Variants in RORA observed in about 807,000 individuals in gnomAD.
RORA encodes the protein nuclear receptor ROR-alpha.
Under a neutral mutation model 69.5 loss-of-function variants are expected in RORA, and 7 were observed. The ratio of observed to expected loss-of-function variants is 0.10; its 90% CI spans 0.06 to 0.19. RORA has a LOEUF of 0.19. Among genes scored for constraint, RORA ranks in the 10% least tolerant of loss-of-function variants. RORA has a pLI of 1.00. For synonymous variants in RORA, 261 were observed against 240.8 expected (o/e 1.08, Z -0.78); for missense variants, 457 against 663.0 (o/e 0.69, Z 3.41).
chr15:61,004,645 C>A (rs1894856371), intron 1 of RORA, among the ~76,000 whole-genome samples: 1 of 152,158 alleles, frequency 6.6e-6, no homozygotes, highest in South Asian at 2.1e-4. Flanking sequence ...CACACCCGTT[C>A]TAGGGAAGCT....
At chr15:61,161,433 C>G (rs1374519626) in intron 1 of RORA, among the ~76,000 whole-genome samples, 1 of 152,144 alleles carries the variant, frequency 6.6e-6, no homozygotes, top group Admixed American at 6.5e-5. Context: ...AGTGCTGAAC[C>G]TCTCTGAGCT....
Position 60,531,518 on chromosome 15 carries a change from G to A in RORA, c.282+248C>T. On this transcript the variant is annotated intron_variant, in intron 3 of 10. Coordinates refer to ENST00000335670, the MANE Select transcript of RORA (RefSeq NM_134261.3). The surrounding 1 kb of genome is among the most constrained non-coding windows in gnomAD (Gnocchi z 4.8). ...GATTGCTCATGAGTTCAACTCTGGGGTTGAAAGTGATAAACAAGCAATGCT... is the reference window on the plus strand; with the variant it reads ...GATTGCTCATGAGTTCAACTCTGGGATTGAAAGTGATAAACAAGCAATGCT... The A allele has an allele frequency of 2.5e-6, 1 of 407,074 alleles. No individual in the cohort carries two copies. Among genetic ancestry groups the A allele is most frequent in the Non-Finnish European group, 4.3e-6 (1 of 233,272 alleles). 25.2% of individuals were successfully genotyped at this position (407,074 alleles called of 1,614,324 possible).
chr15:60,520,435 G>A (rs1264478564), intron 3 of RORA: 1 of 152,094 alleles, frequency 6.6e-6, no homozygotes, highest in Non-Finnish European at 1.5e-5. Context: ...AGGATTAAGG[G>A]TTTGGAAAAT....
chr15:61,049,929 G>T (rs1308067792), intron 1 of RORA, among the ~76,000 whole-genome samples: 1 of 152,196 alleles, frequency 6.6e-6, no homozygotes, highest in East Asian at 1.9e-4. Context: ...AAAGTGCTGG[G>T]ATTACAGGTG....
intron 1 of RORA, among the ~76,000 whole-genome samples, chr15:61,010,945 T>C (rs1046028726): frequency 9.9e-5 from 15 of 152,230 alleles, no homozygotes; most frequent in African/African-American, 2.7e-4. Context: ...TGCATATATA[T>C]TGATTAAGCC....
intron 2 of RORA, among the ~76,000 whole-genome samples, chr15:60,606,927 A>G (rs1351968169): frequency 2.0e-5 from 3 of 152,230 alleles, no homozygotes; most frequent in African/African-American, 7.2e-5. Context: ...TCCAAGAACC[A>G]AAAGTTTGTA....
At chr15:61,178,775 T>C (rs1287298599) in intron 1 of RORA, among the ~76,000 whole-genome samples, 3 of 152,172 alleles carry the variant, frequency 2.0e-5, no homozygotes, top group Non-Finnish European at 4.4e-5. Flanking sequence ...TAAGCTTACA[T>C]ATAAATGACA....
chr15:61,084,415 G>A (rs528206866), intron 1 of RORA, among the ~76,000 whole-genome samples: 2 of 152,306 alleles, frequency 1.3e-5, no homozygotes, highest in South Asian at 4.1e-4. Context: ...CTGACTTTCT[G>A]AGGTCTTTTG....
intron 1 of RORA, among the ~76,000 whole-genome samples, chr15:60,830,261 C>A (rs1026700075): frequency 4.6e-5 from 7 of 152,130 alleles, no homozygotes; most frequent in African/African-American, 1.7e-4. Context: ...AAATACAGAT[C>A]AGCTTAAGGA....
intron 2 of RORA, among the ~76,000 whole-genome samples, chr15:60,551,728 C>T (rs1285431686): frequency 6.6e-6 from 1 of 152,186 alleles, no homozygotes; most frequent in Non-Finnish European, 1.5e-5. Flanking sequence ...ATGCCAGGTC[C>T]ATAAAGACCT....
intron 1 of RORA, among the ~76,000 whole-genome samples, chr15:60,683,942 A>G (rs2070698175): frequency 6.6e-6 from 1 of 152,226 alleles, no homozygotes; most frequent in African/African-American, 2.4e-5. Flanking sequence ...GGGAAGTTTC[A>G]TTATAGTCAT....
chr15:60,571,181 G>A (rs576436081), intron 2 of RORA, among the ~76,000 whole-genome samples: 1 of 151,442 alleles, frequency 6.6e-6, no homozygotes, highest in East Asian at 1.9e-4. Context: ...TAGTAATTTC[G>A]ATGTGCCTCC....
intron 1 of RORA, among the ~76,000 whole-genome samples, chr15:61,078,917 C>T (rs1193074441): frequency 1.3e-5 from 2 of 152,128 alleles, no homozygotes; most frequent in East Asian, 3.8e-4. Context: ...TTTATAACAG[C>T]TCTACAAGGT....
intron 1 of RORA, among the ~76,000 whole-genome samples, chr15:60,857,599 AAAGCATCCAGCC>A (rs1567215928): frequency 4.6e-5 from 7 of 152,010 alleles, no homozygotes; most frequent in Admixed American, 2.6e-4. Context: ...ACTCAGCCTC[AAAGCATCCAGCC>A]AAGCAGAAGG....
intron 1 of RORA, among the ~76,000 whole-genome samples, chr15:61,212,723 T>A (rs2080004916): frequency 6.6e-6 from 1 of 152,212 alleles, no homozygotes; most frequent in Non-Finnish European, 1.5e-5. Flanking sequence ...TATGTAGATG[T>A]AGGGTCTCCA....
chr15:61,141,134 T>C (rs976760369), intron 1 of RORA, among the ~76,000 whole-genome samples: 3 of 152,198 alleles, frequency 2.0e-5, no homozygotes, highest in Non-Finnish European at 2.9e-5. Context: ...TCTGTCTACA[T>C]TTCAAAACAC....
intron 1 of RORA, among the ~76,000 whole-genome samples, chr15:61,110,186 C>G (rs1440441802): frequency 6.6e-6 from 1 of 152,124 alleles, no homozygotes; most frequent in Non-Finnish European, 1.5e-5. Context: ...ATCACGAGGT[C>G]AAGAGATCAT....
At chr15:61,195,719 A>T (rs1229853667) in intron 1 of RORA, 1 of 152,230 alleles carries the variant, frequency 6.6e-6, no homozygotes, top group Non-Finnish European at 1.5e-5. Flanking sequence ...CTAGTGATCT[A>T]TCTTCTCCTT....
intron 1 of RORA, among the ~76,000 whole-genome samples, chr15:61,118,140 T>C (rs2079066795): frequency 6.6e-6 from 1 of 152,122 alleles, no homozygotes; most frequent in Non-Finnish European, 1.5e-5. Context: ...CAGATATTCC[T>C]ACAGTGTGGT....
Sources: allele counts gnomAD v4.1 joint callset (sites outside exome capture counted in the v4.1 genomes callset), GRCh38; gene constraint gnomAD v4.1.1; non-coding constraint Gnocchi (gnomAD v3.1); transcripts MANE v1.5; gene names NCBI Gene and HGNC (gene_info 2026-07-23, HGNC 2026-07-21).